FRAS1: variants seen among roughly 807,000 people sequenced by gnomAD.
The protein encoded by FRAS1 is Fraser extracellular matrix complex subunit 1.
In FRAS1, 290 loss-of-function variants were observed where a neutral mutation model predicts 435.2. That is an observed-to-expected ratio of 0.67 (90% CI 0.61 to 0.73). The LOEUF (loss-of-function observed/expected upper bound fraction) is 0.73, where lower values mean the gene tolerates loss of function less well. Ranked by LOEUF, FRAS1 falls within the 30% of genes least tolerant of loss-of-function variation. The probability of loss-of-function intolerance (pLI) is 0.00; values close to 1 mark genes in which losing one functional copy is unlikely to be tolerated. For missense variants in FRAS1, 4,860 were observed against 5,001.5 expected (o/e 0.97, Z 0.85); for synonymous variants, 1,800 against 1,851.0 (o/e 0.97, Z 0.71).
chr4:78,365,317 C>T (rs575365026), intron 22 of FRAS1, among the ~76,000 whole-genome samples: 2 of 152,218 alleles, frequency 1.3e-5, no homozygotes, highest in African/African-American at 4.8e-5. Context: ...AAAAACCTTG[C>T]TTTGTGTATA....
Position 78,123,165 on chromosome 4 carries a change from G to T in FRAS1, c.108+57149G>T, listed in dbSNP as rs989331376. Among the ~76,000 whole-genome samples, 6 of 152,190 alleles carry T rather than the reference G, an allele frequency of 3.9e-5. No individual in the cohort carries two copies. The East Asian group carries it at 5.8e-4, about 15-fold the overall frequency. On this transcript the variant is annotated intron_variant, in intron 2 of 73. Coordinates refer to ENST00000512123, the MANE Select transcript of FRAS1 (RefSeq NM_025074.7). The stretch of plus-strand genomic sequence containing the variant: ...AGTTGATTTTTGTATAAGGTGTAAG[G>T]AAAGGGTCCAGTTTGAGTTTTCTGC...
intron 30 of FRAS1, among the ~76,000 whole-genome samples, chr4:78,403,603 C>A (rs1347117608): frequency 1.3e-5 from 2 of 152,176 alleles, no homozygotes; most frequent in African/African-American, 4.8e-5. Context: ...TTGTGAAGAG[C>A]TGACGCCTTG....
rs1295940463 is a variant in FRAS1, at chr4:78,418,355, C to T, written c.4426-594C>T. ...AGCCCTTTGTTACCAGAAGGCATCACAGTTTCCATTAGCAAAACTGGGGAC... is the reference window on the plus strand; with the variant it reads ...AGCCCTTTGTTACCAGAAGGCATCATAGTTTCCATTAGCAAAACTGGGGAC... On this transcript the variant is annotated intron_variant, in intron 32 of 73. Coordinates refer to ENST00000512123, the MANE Select transcript of FRAS1 (RefSeq NM_025074.7). 3.9e-5 allele frequency among the ~76,000 whole-genome samples: 6 copies of T among 152,188 alleles called. No homozygotes were observed. The East Asian group carries it at 1.2e-3, about 29-fold the overall frequency.
At chr4:78,097,218 C>T (rs1261595429) in intron 2 of FRAS1, among the ~76,000 whole-genome samples, 4 of 152,342 alleles carry the variant, frequency 2.6e-5, no homozygotes, top group African/African-American at 9.6e-5. Flanking sequence ...GAGACCACCT[C>T]AGCCTGGATT....
At chr4:78,062,263 C>T (rs1209046697) in intron 1 of FRAS1, among the ~76,000 whole-genome samples, 1 of 152,192 alleles carries the variant, frequency 6.6e-6, no homozygotes, top group Non-Finnish European at 1.5e-5. Flanking sequence ...ACAGTTGGCC[C>T]ACTTTCATTT....
chr4:78,233,775 T>TAGTC (rs2110110806), intron 2 of FRAS1, among the ~76,000 whole-genome samples: 1 of 152,316 alleles, frequency 6.6e-6, no homozygotes, highest in South Asian at 2.1e-4. Flanking sequence ...GATTCAAACC[T>TAGTC]AGTCAGTCTG....
At chr4:78,483,791 T>TATATAC (rs1720087689) in intron 58 of FRAS1, among the ~76,000 whole-genome samples, 1 of 120,280 alleles carries the variant, frequency 8.3e-6, no homozygotes, top group African/African-American at 3.1e-5. Context: ...TCTATATATA[T>TATATAC]ATATATAAAA....
intron 20 of FRAS1, 144 bp downstream of exon 20, chr4:78,337,961 T>G (rs1730242936): frequency 1.1e-5 from 8 of 721,466 alleles, no homozygotes; most frequent in Non-Finnish European, 1.7e-5. Context: ...CTCATGTTAC[T>G]GCTTCTCCTT....
chr4:78,476,838 G>T (rs190801634), intron 54 of FRAS1, among the ~76,000 whole-genome samples: 222 of 152,188 alleles, frequency 1.5e-3, no homozygotes, highest in African/African-American at 5.2e-3. Flanking sequence ...TTGCAGATTT[G>T]TGTGTCCCCA....
At chr4:78,140,212 T>A (rs1366573664) in intron 2 of FRAS1, among the ~76,000 whole-genome samples, 2 of 152,176 alleles carry the variant, frequency 1.3e-5, no homozygotes, top group Non-Finnish European at 2.9e-5. Flanking sequence ...ACCTTAAAAA[T>A]ATACCCAAGA....
chr4:78,409,769 G>T (rs1398351092), intron 31 of FRAS1, among the ~76,000 whole-genome samples: 1 of 152,142 alleles, frequency 6.6e-6, no homozygotes, highest in Non-Finnish European at 1.5e-5. Flanking sequence ...GCGGTGTCAG[G>T]GCCTCTCAAA....
intron 2 of FRAS1, among the ~76,000 whole-genome samples, chr4:78,184,762 G>A (rs955344239): frequency 1.3e-5 from 2 of 152,122 alleles, no homozygotes; most frequent in Non-Finnish European, 2.9e-5. Context: ...CCCTTATAAA[G>A]GCCCACCTGA....
chr4:78,433,360 A>G (rs562669484), intron 38 of FRAS1, among the ~76,000 whole-genome samples: 19 of 152,366 alleles, frequency 1.2e-4, no homozygotes, highest in African/African-American at 3.4e-4. Flanking sequence ...AGTTTTTACA[A>G]TGCCTTGAAA....
chr4:78,466,757 T>G (rs1466141141), intron 50 of FRAS1, among the ~76,000 whole-genome samples: 1 of 152,194 alleles, frequency 6.6e-6, no homozygotes, highest in East Asian at 1.9e-4. Context: ...TGCCCATCCT[T>G]TACTCCTTAA....
At chr4:78,097,494 T>C (rs1487081225) in intron 2 of FRAS1, among the ~76,000 whole-genome samples, 3 of 152,100 alleles carry the variant, frequency 2.0e-5, no homozygotes, top group Non-Finnish European at 1.5e-5. Flanking sequence ...AAGAAAGAGG[T>C]TTAAGACATT....
chr4:78,223,035 T>C (rs1400469231), intron 2 of FRAS1, among the ~76,000 whole-genome samples: 1 of 152,194 alleles, frequency 6.6e-6, no homozygotes, highest in East Asian at 1.9e-4. Flanking sequence ...TTCGGTGGCT[T>C]CCTGGCAAAC....
intron 20 of FRAS1, among the ~76,000 whole-genome samples, chr4:78,354,788 G>A (rs1730786493): frequency 6.6e-6 from 1 of 152,184 alleles, no homozygotes; most frequent in African/African-American, 2.4e-5. Flanking sequence ...CAGCTAAGGA[G>A]TCACTGCTCC....
At chr4:78,167,783 A>G (rs932096033) in intron 2 of FRAS1, among the ~76,000 whole-genome samples, 19 of 152,102 alleles carry the variant, frequency 1.2e-4, no homozygotes, top group African/African-American at 4.1e-4. Context: ...CCACCATGCT[A>G]TACTTAGATA....
chr4:78,102,533 C>G (rs1437008942), intron 2 of FRAS1, among the ~76,000 whole-genome samples: 2 of 152,114 alleles, frequency 1.3e-5, no homozygotes, highest in South Asian at 4.2e-4. Flanking sequence ...CCTTAATTTT[C>G]CAAGTTAAGA....
Sources: gnomAD v4.1 joint callset for allele counts (sites outside exome capture counted in the v4.1 genomes callset) on GRCh38, gnomAD v4.1.1 for gene constraint, MANE v1.5 for transcripts, NCBI Gene and HGNC (gene_info 2026-07-23, HGNC 2026-07-21) for gene names.